Variants in MBD5 observed in about 807,000 individuals in gnomAD.
MBD5 encodes the protein methyl-CpG-binding domain protein 5.
A neutral mutation model predicts 117.3 loss-of-function variants in MBD5; 13 were observed. The ratio of observed to expected loss-of-function variants is 0.11; its 90% CI spans 0.07 to 0.18. MBD5 has a LOEUF of 0.18. Ranked by LOEUF, MBD5 falls within the 10% of genes least tolerant of loss-of-function variation. The probability of loss-of-function intolerance (pLI) is 1.00; values close to 1 mark genes in which losing one functional copy is unlikely to be tolerated. For missense variants in MBD5, 1,879 were observed against 2,093.8 expected (o/e 0.90, Z 2.00); for synonymous variants, 727 against 766.4 (o/e 0.95, Z 0.85).
chr2:148,148,221 G>C (rs1277879211), intron 1 of MBD5, among the ~76,000 whole-genome samples: 1 of 152,170 alleles, frequency 6.6e-6, no homozygotes, highest in Non-Finnish European at 1.5e-5. Context: ...AGGTCAAATG[G>C]TGACTATTCT....
rs574867431 is a variant in MBD5, at chr2:148,022,053, T to C, written c.-925+369T>C. 1.2e-3 allele frequency among the ~76,000 whole-genome samples: 187 copies of C among 152,228 alleles called. 2 individuals are homozygous for C. The highest frequency in any genetic ancestry group is 5.8e-3 in the South Asian group (28 of 4,810). ...CTAGATGTCACTTAAAAAAAATTCA[T>C]TGGAGAGCTCTTTTTCTCCAGGAAA... On this transcript the variant is annotated intron_variant, in intron 1 of 13. Coordinates refer to ENST00000642680, the MANE Select transcript of MBD5 (RefSeq NM_001378120.1).
intron 2 of MBD5, among the ~76,000 whole-genome samples, chr2:148,195,594 A>C (rs1354563021): frequency 6.6e-6 from 1 of 152,212 alleles, no homozygotes; most frequent in Non-Finnish European, 1.5e-5. Flanking sequence ...ATAACAACAG[A>C]ATACACATTT....
intron 10 of MBD5, among the ~76,000 whole-genome samples, chr2:148,487,043 A>T (rs1306147270): frequency 1.3e-5 from 2 of 152,222 alleles, no homozygotes. Context: ...CCACTCCATC[A>T]GTAGGGAAAT....
intron 3 of MBD5, among the ~76,000 whole-genome samples, chr2:148,303,805 C>T (rs904370447): frequency 1.3e-5 from 2 of 152,066 alleles, no homozygotes; most frequent in Non-Finnish European, 1.5e-5. Context: ...ATTTGTATAT[C>T]TTTTTCTTTT....
chr2:148,180,631 A>G (rs1311422832), intron 2 of MBD5, among the ~76,000 whole-genome samples: 1 of 151,952 alleles, frequency 6.6e-6, no homozygotes, highest in Non-Finnish European at 1.5e-5. Context: ...CCTAGGCTCA[A>G]GCCATCTTCC....
rs529751433 is a variant in MBD5 at position 148,030,934 on chromosome 2, A to G, written c.-925+9250A>G. 6.6e-5 allele frequency among the ~76,000 whole-genome samples: 10 copies of G among 152,292 alleles called. No individual in the cohort carries two copies. In the East Asian group the frequency reaches 1.7e-3, roughly 26 times the overall value. On this transcript the variant is annotated intron_variant, in intron 1 of 13. Transcript: ENST00000642680. The stretch of plus-strand genomic sequence containing the variant: ...AAGCCTAGTCAATTGAGGAAGGAAC[A>G]ATGGATATAATGTAGTTTTTAAATA...
intron 4 of MBD5, among the ~76,000 whole-genome samples, chr2:148,375,417 C>T (rs1399536410): frequency 1.3e-5 from 2 of 152,204 alleles, no homozygotes; most frequent in Non-Finnish European, 1.5e-5. Context: ...TGATCCACTG[C>T]ATGCAGCACT....
At chr2:148,312,614 G>A (rs1382642788) in intron 3 of MBD5, among the ~76,000 whole-genome samples, 1 of 152,098 alleles carries the variant, frequency 6.6e-6, no homozygotes, top group East Asian at 1.9e-4. Flanking sequence ...TTAGCTCAGA[G>A]GTGTTTGTTA....
In MBD5 at chr2:148,483,752, T is replaced by C; in HGVS notation, c.3161T>C (p.Leu1054Pro). Residue 1054 changes from leucine to proline, a missense_variant, in exon 9 of 14, where the codon CTG becomes CCG. This residue lies in a region of MBD5 where 1,666 missense variants were observed against 1,792.2 expected (regional missense o/e 0.93). Coordinates refer to ENST00000642680, the MANE Select transcript of MBD5 (RefSeq NM_001378120.1). The part of the protein sequence containing the change: ...SRAETLLTSP[L>P]GNPLPSFAGS... ...GCTGAGACCCTTTTAACCAGCCCCC[T>C]GGGGAACCCTTTACCAAGCTTTGCA... The C allele has an allele frequency of 1.9e-6, 3 of 1,550,550 alleles. No homozygotes were observed. The highest frequency in any genetic ancestry group is 2.4e-5 in the South Asian group (2 of 84,058).
At chr2:148,079,776 A>C (rs1346052554) in intron 1 of MBD5, among the ~76,000 whole-genome samples, 1 of 151,844 alleles carries the variant, frequency 6.6e-6, no homozygotes, top group African/African-American at 2.4e-5. Context: ...AGAATAGCTT[A>C]ACCCCGGGAG....
At chr2:148,255,268 T>C (rs948665716) in intron 3 of MBD5, among the ~76,000 whole-genome samples, 3 of 116,520 alleles carry the variant, frequency 2.6e-5, no homozygotes, top group African/African-American at 8.4e-5. Context: ...GTACCACACC[T>C]TCTCAGCTCC....
intron 4 of MBD5, among the ~76,000 whole-genome samples, chr2:148,392,332 TAG>T (rs1704591590): frequency 6.6e-6 from 1 of 152,230 alleles, no homozygotes; most frequent in African/African-American, 2.4e-5. Flanking sequence ...TATGATATTA[TAG>T]ATCAGTGTTT....
At chr2:148,436,715 C>T (rs1160506834) in intron 4 of MBD5, among the ~76,000 whole-genome samples, 1 of 151,980 alleles carries the variant, frequency 6.6e-6, no homozygotes, top group Admixed American at 6.6e-5. Context: ...TTGAAAGGAC[C>T]AGAAAGAGTA....
chr2:148,041,030 A>T lies in MBD5; in HGVS notation c.-925+19346A>T, dbSNP rs1052619592. Among the ~76,000 whole-genome samples, 24 of 152,114 alleles carry T rather than the reference A, an allele frequency of 1.6e-4. 1 individual carries two copies. Among genetic ancestry groups the T allele is most frequent in the African/African-American group, 5.3e-4 (22 of 41,416 alleles). ...CAGGCTGGAGTGCAGCAGATCGATC[A>T]TGGGTCACTATAGCCTCAACCTCCG... is the stretch of plus-strand genomic sequence containing the variant. On this transcript the variant is annotated intron_variant, in intron 1 of 13. Transcript: ENST00000642680.
At chr2:148,398,565 TG>T (rs879527641) in intron 4 of MBD5, among the ~76,000 whole-genome samples, 7,279 of 152,304 alleles carry the variant, frequency 0.048, 521 homozygotes, top group African/African-American at 0.16. Context: ...CTTTGTCAGA[TG>T]AGTAGATTGC....
chr2:148,382,360 A>T (rs368772722), intron 4 of MBD5, among the ~76,000 whole-genome samples: 4 of 152,110 alleles, frequency 2.6e-5, no homozygotes, highest in African/African-American at 9.7e-5. Context: ...GACAAAGAAG[A>T]CCATTACATA....
At chr2:148,383,357 A>G (rs1704222360) in intron 4 of MBD5, among the ~76,000 whole-genome samples, 1 of 152,226 alleles carries the variant, frequency 6.6e-6, no homozygotes, top group South Asian at 2.1e-4. Flanking sequence ...AAAATCTAGA[A>G]GAAATGGATA....
intron 1 of MBD5, among the ~76,000 whole-genome samples, chr2:148,059,050 A>T (rs1694953362): frequency 1.3e-5 from 2 of 152,192 alleles, no homozygotes; most frequent in African/African-American, 4.8e-5. Context: ...TTGAATGTGT[A>T]CCTTTGTGAT....
chr2:148,043,284 A>AAAAT (rs958192175), intron 1 of MBD5, among the ~76,000 whole-genome samples: 3 of 150,710 alleles, frequency 2.0e-5, no homozygotes, highest in Admixed American at 6.6e-5. Context: ...AAAAAATAAA[A>AAAAT]AAATAAATAA....
Sources: allele counts gnomAD v4.1 joint callset (sites outside exome capture counted in the v4.1 genomes callset), GRCh38; gene constraint gnomAD v4.1.1; regional missense constraint gnomAD v4.1.1; transcripts MANE v1.5; gene names NCBI Gene and HGNC (gene_info 2026-07-23, HGNC 2026-07-21).